The following ROBO2 variants were observed in gnomAD, a reference collection of about 807,000 sequenced individuals.
ROBO2 encodes roundabout guidance receptor 2.
Under a neutral mutation model 160.8 loss-of-function variants are expected in ROBO2, and 53 were observed. That is an observed-to-expected ratio of 0.33 (90% confidence interval 0.26 to 0.41). The LOEUF (loss-of-function observed/expected upper bound fraction) is 0.41. ROBO2 is among the 10% of genes least tolerant of loss of function. The pLI is 1.00. For missense variants in ROBO2, 1,577 were observed against 1,722.4 expected (o/e 0.92, Z 1.49); for synonymous variants, 664 against 611.7 (o/e 1.09, Z -1.26).
intron 2 of ROBO2, among the ~76,000 whole-genome samples, chr3:76,615,395 T>G (rs2088501900): frequency 6.6e-6 from 1 of 152,164 alleles, no homozygotes; most frequent in Admixed American, 6.5e-5. Context: ...TGAGATCAAA[T>G]TGTTTAATAA....
chr3:76,743,401 G>A (rs1346957876), intron 2 of ROBO2, among the ~76,000 whole-genome samples: 1 of 152,044 alleles, frequency 6.6e-6, no homozygotes, highest in Non-Finnish European at 1.5e-5. Flanking sequence ...CCAAACCTCA[G>A]CATGGCTCAA....
At chr3:76,696,376 G>T in intron 2 of ROBO2, among the ~76,000 whole-genome samples, 1 of 103,384 alleles carries the variant, frequency 9.7e-6, no homozygotes, top group Non-Finnish European at 1.8e-5. Context: ...ATTTTAAATG[G>T]ATCTCTTTTT....
At chr3:76,915,042 T>C (rs1489825985) in intron 2 of ROBO2, among the ~76,000 whole-genome samples, 2 of 152,220 alleles carry the variant, frequency 1.3e-5, no homozygotes, top group East Asian at 3.8e-4. Context: ...AAATACCAAT[T>C]TGTAGTTTAA....
Position 77,595,131 on chromosome 3 carries a change from T to C in ROBO2, c.2684-11T>C, listed in dbSNP as rs780724521. On this transcript the variant is annotated splice_polypyrimidine_tract_variant and intron_variant, in intron 17 of 25. Transcript: ENST00000461745. ...GTGTGTGCATGTCTTCCTTTTTTTC[T>C]TTTTTCATAGTTACGTTTCAAAGAG... 4 of 1,608,208 alleles carry C rather than the reference T, an allele frequency of 2.5e-6. No individual in the cohort carries two copies. Among genetic ancestry groups the C allele is most frequent in the Admixed American group, 3.3e-5 (2 of 59,974 alleles).
chr3:77,492,457 C>T (rs2086245698), intron 4 of ROBO2, among the ~76,000 whole-genome samples: 1 of 151,760 alleles, frequency 6.6e-6, no homozygotes, highest in African/African-American at 2.4e-5. Flanking sequence ...TGCTAGAATA[C>T]AATTTAACAG....
At chr3:76,382,140 G>A (rs1315067212) in intron 2 of ROBO2, among the ~76,000 whole-genome samples, 1 of 151,980 alleles carries the variant, frequency 6.6e-6, no homozygotes, top group African/African-American at 2.4e-5. Flanking sequence ...TAATATTTTC[G>A]TATTTTTGGT....
chr3:77,379,464 A>C (rs2073151088), intron 2 of ROBO2, among the ~76,000 whole-genome samples: 1 of 152,162 alleles, frequency 6.6e-6, no homozygotes, highest in Admixed American at 6.5e-5. Context: ...AAAAAAAATT[A>C]AAAGTCAATG....
chr3:77,268,468 G>T (rs1052572456), intron 2 of ROBO2, among the ~76,000 whole-genome samples: 45 of 152,018 alleles, frequency 3.0e-4, no homozygotes, highest in African/African-American at 1.0e-3. Context: ...TTATAATGTG[G>T]GCTGTCTGAG....
rs561062528 is a variant in ROBO2, at chr3:77,548,547, A to G, written c.1059+2085A>G. ...TTACAAGGTAGTGCATAAAATGTGT[A>G]TTGGCCTTGTAGCTTAATAAACATA... is the stretch of plus-strand genomic sequence containing the variant. On this transcript the variant is annotated intron_variant, in intron 7 of 25. Coordinates refer to ENST00000461745, the Ensembl canonical transcript of ROBO2. Among the ~76,000 whole-genome samples the G allele has an allele frequency of 2.6e-5, 4 of 152,158 alleles. No individual in the cohort carries two copies. The South Asian group carries it at 8.3e-4, about 32-fold the overall frequency.
chr3:77,530,062 T>G (rs2091534943), intron 6 of ROBO2, among the ~76,000 whole-genome samples: 1 of 151,932 alleles, frequency 6.6e-6, no homozygotes. Context: ...ACTACATTAT[T>G]ATTTATATTT....
chr3:77,242,232 G>T lies in ROBO2; in HGVS notation c.388+143892G>T, dbSNP rs549904608. On this transcript the variant is annotated intron_variant, in intron 2 of 25. Transcript: ENST00000461745. ...ATAATAGAATTTAAGAATTTAAAATGTAACCAAAAGGCAGAATCATGGCTT... is the reference window on the plus strand; with the variant it reads ...ATAATAGAATTTAAGAATTTAAAATTTAACCAAAAGGCAGAATCATGGCTT... Among the ~76,000 whole-genome samples, 5 of 152,222 alleles carry T rather than the reference G, an allele frequency of 3.3e-5. No individual in the cohort carries two copies. The South Asian group carries it at 1.0e-3, about 32-fold the overall frequency.
At chr3:76,216,732 T>G (rs1703560710) in intron 2 of ROBO2, among the ~76,000 whole-genome samples, 1 of 152,054 alleles carries the variant, frequency 6.6e-6, no homozygotes, top group Non-Finnish European at 1.5e-5. Flanking sequence ...CACCCCACTG[T>G]CAACATTAGA....
At chr3:76,724,793 A>T (rs1418637834) in intron 2 of ROBO2, among the ~76,000 whole-genome samples, 1 of 152,146 alleles carries the variant, frequency 6.6e-6, no homozygotes, top group Admixed American at 6.6e-5. Context: ...TCTGTTAAGG[A>T]CTTTGAGATA....
intron 24 of ROBO2, 86 bp from the exon 26 acceptor site, chr3:77,642,585 A>C (rs539278214): frequency 2.5e-6 from 1 of 395,218 alleles, no homozygotes; most frequent in East Asian, 7.1e-5. Flanking sequence ...TACCTGTATA[A>C]GGGCAAAGAT....
intron 2 of ROBO2, among the ~76,000 whole-genome samples, chr3:76,062,391 G>A (rs768251655): frequency 6.6e-6 from 1 of 151,828 alleles, no homozygotes; most frequent in Non-Finnish European, 1.5e-5. Context: ...CTTCACTAAT[G>A]TTATCCCCAA....
chr3:75,911,933 G>A (rs1256998933), intron 1 of ROBO2, among the ~76,000 whole-genome samples: 1 of 152,100 alleles, frequency 6.6e-6, no homozygotes, highest in Non-Finnish European at 1.5e-5. Context: ...TAAAAAGGCT[G>A]GATATTTGTT....
intron 2 of ROBO2, among the ~76,000 whole-genome samples, chr3:76,441,023 G>T (rs1312401061): frequency 6.6e-6 from 1 of 151,860 alleles, no homozygotes; most frequent in Non-Finnish European, 1.5e-5. Context: ...TTGTTTAAAG[G>T]GTATGTGTTA....
intron 2 of ROBO2, among the ~76,000 whole-genome samples, chr3:76,907,823 GGTGTGTGTGT>G (rs71104638): frequency 0.012 from 1,694 of 145,494 alleles, 36 homozygotes; most frequent in African/African-American, 0.042. Flanking sequence ...GTTTGTTTGG[GGTGTGTGTGT>G]GTGTGTGTGT....
intron 2 of ROBO2, among the ~76,000 whole-genome samples, chr3:76,863,932 G>C (rs753581540): frequency 2.0e-5 from 3 of 151,806 alleles, no homozygotes; most frequent in Non-Finnish European, 4.4e-5. Context: ...TAAATAAAAG[G>C]CAATCCTGAT....
Sources: gnomAD v4.1 joint callset for allele counts (sites outside exome capture counted in the v4.1 genomes callset) on GRCh38, gnomAD v4.1.1 for gene constraint, MANE v1.5 for transcripts, NCBI Gene and HGNC (gene_info 2026-07-23, HGNC 2026-07-21) for gene names.